Variants in ZNF148 observed in about 807,000 individuals in gnomAD.
ZNF148 encodes Beta-Enolase Repressor Factor-1.
ZNF148 carries 7 observed loss-of-function variants against 67.7 expected under a neutral mutation model. The ratio of observed to expected loss-of-function variants is 0.10; its 90% confidence interval spans 0.06 to 0.19. ZNF148 has a LOEUF of 0.19. Among genes scored for constraint, ZNF148 ranks in the 10% least tolerant of loss-of-function variants. The pLI is 1.00. For synonymous variants in ZNF148, 333 were observed against 330.7 expected, an observed-to-expected ratio of 1.01 and a Z score of -0.08; for missense variants, 583 against 947.1, an observed-to-expected ratio of 0.62 and a Z score of 5.05.
At chr3:125,369,647 T>G (rs1942815321) in intron 1 of ZNF148, among the ~76,000 whole-genome samples, 1 of 152,120 alleles carries the variant, frequency 6.6e-6, no homozygotes, top group Non-Finnish European at 1.5e-5. Flanking sequence ...ATATTTGTTT[T>G]TAAAAATCAA....
chr3:125,372,518 T>C (rs1287318374), intron 1 of ZNF148, among the ~76,000 whole-genome samples: 1 of 152,150 alleles, frequency 6.6e-6, no homozygotes, highest in Non-Finnish European at 1.5e-5. Flanking sequence ...AGAAATAATA[T>C]TATATGCCCA....
chr3:125,250,183 T>C (rs1054024428), intron 7 of ZNF148, among the ~76,000 whole-genome samples: 2 of 152,236 alleles, frequency 1.3e-5, no homozygotes, highest in Non-Finnish European at 2.9e-5. Context: ...AAGATAGTTA[T>C]GTGAAGTGAT....
At chr3:125,312,154 T>G (rs1026335472) in intron 4 of ZNF148, among the ~76,000 whole-genome samples, 2 of 152,180 alleles carry the variant, frequency 1.3e-5, no homozygotes, top group Admixed American at 1.3e-4. Flanking sequence ...TAGACTAATA[T>G]TTCTCATGAA....
intron 3 of ZNF148, among the ~76,000 whole-genome samples, chr3:125,316,616 C>T (rs1370008995): frequency 6.6e-6 from 1 of 152,202 alleles, no homozygotes; most frequent in Non-Finnish European, 1.5e-5. Flanking sequence ...AGCACCTTTT[C>T]ATATGCCTGT....
chr3:125,357,843 A>T (rs1009444806), intron 1 of ZNF148: 1 of 152,276 alleles, frequency 6.6e-6, no homozygotes, highest in African/African-American at 2.4e-5. Context: ...ACAGCCTGAC[A>T]GTAAGAAATC....
At chr3:125,277,680 T>C in intron 7 of ZNF148, 46 bp downstream of exon 7, 1 of 1,534,112 alleles carries the variant, frequency 6.5e-7, no homozygotes, top group Non-Finnish European at 8.9e-7. Flanking sequence ...TCCCTCCATT[T>C]GAAATAATCA....
intron 3 of ZNF148, 142 bp downstream of exon 3, chr3:125,323,167 T>G: frequency 2.6e-6 from 1 of 380,800 alleles, no homozygotes; most frequent in Admixed American, 4.3e-5. Context: ...GGAAAAAAAC[T>G]AGTTTCTTCC....
In ZNF148 at chr3:125,233,686, G is replaced by C. The variant is rs997783728; in HGVS notation, c.1040C>G (p.Pro347Arg). The C allele has an allele frequency of 1.2e-6, 2 of 1,613,768 alleles. No homozygotes were observed. The highest frequency in any genetic ancestry group is 1.7e-6 in the Non-Finnish European group (2 of 1,179,902). ...DLKKDKNDYL[P>R]LYSSSTKVKD... ...TACTTTAGTACTTGAAGAATAAAGA[G>C]GCAAGTAATCATTTTTGTCTTTTTT... The change falls in exon 9 of 9, where the codon CCT becomes CGT. Residue 347 changes from proline (P) to arginine (R), a missense_variant. By Grantham distance (103) the Pro-to-Arg change is moderately radical. This residue lies in a region of ZNF148 where 78 missense variants were observed against 86.5 expected (regional missense o/e 0.90). Transcript: ENST00000360647. This position sits in a 1 kb window ranked among gnomAD's most constrained non-coding sequence, Gnocchi z 5.1.
chr3:125,351,338 C>G (rs1374037447), intron 1 of ZNF148, among the ~76,000 whole-genome samples: 1 of 148,380 alleles, frequency 6.7e-6, no homozygotes, highest in Non-Finnish European at 1.5e-5. Context: ...GTTACCGTGC[C>G]ACCGCACTCC....
At chr3:125,327,009 T>C (rs1941057828) in intron 2 of ZNF148, among the ~76,000 whole-genome samples, 1 of 151,634 alleles carries the variant, frequency 6.6e-6, no homozygotes, top group Non-Finnish European at 1.5e-5. Flanking sequence ...ATTCCAACTA[T>C]ATGCTGTCAA....
chr3:125,225,969 T>A lies in ZNF148; in HGVS notation c.*6372A>T, dbSNP rs1300208811. On this transcript the variant is annotated 3_prime_UTR_variant, in exon 9 of 9. Transcript: ENST00000360647. ...ACAACTTTCTTACAATGCATCCCGC[T>A]GGTCACAAGCTAGGGTACTGGCAAG... 1 of 152,312 alleles carries A rather than the reference T, an allele frequency of 6.6e-6. No individual in the cohort carries two copies. The highest frequency in any genetic ancestry group is 2.4e-5 in the African/African-American group (1 of 41,428). The allele number at this position is 152,312 out of a possible 1,614,324, so 9.4% of individuals were successfully genotyped here.
chr3:125,232,238 G>C lies in ZNF148; in HGVS notation c.*103C>G. On this transcript the variant is annotated 3_prime_UTR_variant, in exon 9 of 9. Coordinates refer to ENST00000360647, the MANE Select transcript of ZNF148 (RefSeq NM_021964.3). The surrounding 1 kb of genome is among the most constrained non-coding windows in gnomAD (Gnocchi z 4.2). ...TCATATCAGCTTAACTTGTTATTACGCATTGCTCTTAAATCTGTACAGCAC... is the reference window on the plus strand; with the variant it reads ...TCATATCAGCTTAACTTGTTATTACCCATTGCTCTTAAATCTGTACAGCAC... The C allele has an allele frequency of 1.6e-6, 2 of 1,290,272 alleles. No homozygotes were observed. The highest frequency in any genetic ancestry group is 2.1e-6 in the Non-Finnish European group (2 of 964,204). The allele number at this position is 1,290,272 out of a possible 1,614,324, so 79.9% of individuals were successfully genotyped here. A position where few individuals can be genotyped will look rare whatever the true frequency, so the allele number is the denominator to read the frequency against.
intron 1 of ZNF148, among the ~76,000 whole-genome samples, chr3:125,373,232 G>A (rs1161464474): frequency 6.6e-6 from 1 of 151,246 alleles, no homozygotes; most frequent in African/African-American, 2.4e-5. Context: ...ATCACTTGAG[G>A]CCAGGAGTTC....
rs1335765059 is a variant in ZNF148 at position 125,228,940 on chromosome 3, A to C, written c.*3401T>G. On this transcript the variant is annotated 3_prime_UTR_variant, in exon 9 of 9. Transcript: ENST00000360647. ...ATAACAAGAAATGTTTGTCTGCTTT[A>C]GTTTGTTTCCTACCAAAGTTTAAGT... The C allele has an allele frequency of 1.3e-5, 2 of 152,596 alleles. No homozygotes were observed. Among genetic ancestry groups the C allele is most frequent in the Non-Finnish European group, 2.9e-5 (2 of 68,004 alleles). The allele number at this position is 152,596 out of a possible 1,614,324, so 9.5% of individuals were successfully genotyped here. A position where few individuals can be genotyped will look rare whatever the true frequency, so the allele number is the denominator to read the frequency against.
intron 1 of ZNF148, among the ~76,000 whole-genome samples, chr3:125,371,635 A>T (rs1200458297): frequency 7.0e-6 from 1 of 142,744 alleles, no homozygotes; most frequent in Non-Finnish European, 1.5e-5. Flanking sequence ...CTTCAGCCTG[A>T]GCGACAAAGC....
rs140919295 is a variant in ZNF148 at position 125,316,058 on chromosome 3, C to T, written c.-16-2402G>A. ...TTACTCTCTATATCCATGAGTTCAA[C>T]TGTTTTGATTTTTAGATCCCACAAA... is the stretch of plus-strand genomic sequence containing the variant. On this transcript the variant is annotated intron_variant, in intron 3 of 8. Transcript: ENST00000360647. Among the ~76,000 whole-genome samples the T allele has an allele frequency of 2.4e-4, 36 of 152,224 alleles. No individual in the cohort carries two copies. In the East Asian group the frequency reaches 6.9e-3, roughly 29 times the overall value.
At chr3:125,263,812 C>T (rs1022873753) in intron 7 of ZNF148, among the ~76,000 whole-genome samples, 7 of 53,852 alleles carry the variant, frequency 1.3e-4, no homozygotes, top group East Asian at 2.7e-4. Context: ...TCTAATGAGG[C>T]GATCTTTCTG....
At chr3:125,325,985 G>A (rs1941000433) in intron 2 of ZNF148, among the ~76,000 whole-genome samples, 1 of 152,070 alleles carries the variant, frequency 6.6e-6, no homozygotes, top group Non-Finnish European at 1.5e-5. Context: ...AAACAATAGA[G>A]GCAAGAAAGA....
At position 125,284,854 on chromosome 3, in the gene ZNF148, T is replaced by C. The variant is rs145435584; in HGVS notation, c.459+3249A>G. On this transcript the variant is annotated intron_variant, in intron 5 of 8. Coordinates refer to ENST00000360647, the MANE Select transcript of ZNF148 (RefSeq NM_021964.3). ...ATGCTGCCAAGTGTATTTAGGCAAA[T>C]TTCAAGTGTCAAAACCTACCTTAAG... 9.2e-5 allele frequency among the ~76,000 whole-genome samples: 14 copies of C among 152,046 alleles called. 1 individual carries two copies. The South Asian group carries it at 1.0e-3, about 11-fold the overall frequency.
Sources: gnomAD v4.1 joint callset for allele counts (sites outside exome capture counted in the v4.1 genomes callset) on GRCh38, gnomAD v4.1.1 for gene constraint, gnomAD v4.1.1 regional missense constraint, Gnocchi (gnomAD v3.1) non-coding constraint, MANE v1.5 for transcripts, NCBI Gene and HGNC (gene_info 2026-07-23, HGNC 2026-07-21) for gene names.